Variants in SDK1 observed in about 807,000 individuals in gnomAD.
The protein encoded by SDK1 is protein sidekick-1.
A neutral mutation model predicts 245.5 loss-of-function variants in SDK1; 157 were observed. That is an observed-to-expected ratio of 0.64 (90% CI 0.56 to 0.73). The LOEUF is 0.73. SDK1 is among the 30% of genes least tolerant of loss of function. The probability of loss-of-function intolerance (pLI) is 0.00; values close to 1 mark genes in which losing one functional copy is unlikely to be tolerated. For missense variants in SDK1, 3,583 were observed against 3,002.3 expected (o/e 1.19, Z -4.52); for synonymous variants, 1,647 against 1,278.5 (o/e 1.29, Z -6.15).
intron 1 of SDK1, among the ~76,000 whole-genome samples, chr7:3,378,664 T>A (rs1308589702): frequency 6.6e-6 from 1 of 152,096 alleles, no homozygotes; most frequent in Non-Finnish European, 1.5e-5. Context: ...TTGGTGTTTC[T>A]TGTATTTCTG....
At chr7:3,539,619 C>T (rs546309554) in intron 1 of SDK1, among the ~76,000 whole-genome samples, 1 of 152,274 alleles carries the variant, frequency 6.6e-6, no homozygotes, top group East Asian at 1.9e-4. Flanking sequence ...CTTTCAAAAC[C>T]TTGCATCTGA....
chr7:4,067,026 A>G (rs1436207649), intron 19 of SDK1, among the ~76,000 whole-genome samples: 1 of 152,210 alleles, frequency 6.6e-6, no homozygotes, highest in Non-Finnish European at 1.5e-5. Flanking sequence ...GCTGATGATC[A>G]TGGAACATTT....
chr7:3,656,970 A>G (rs941260492), intron 4 of SDK1, among the ~76,000 whole-genome samples: 2 of 151,452 alleles, frequency 1.3e-5, no homozygotes, highest in Non-Finnish European at 2.9e-5. Context: ...GATGGTCTCA[A>G]TCTCCTGACC....
chr7:3,415,815 G>C lies in SDK1; in HGVS notation c.298+113931G>C, dbSNP rs148146603. Among the ~76,000 whole-genome samples, 701 of 151,778 alleles carry C rather than the reference G, an allele frequency of 4.6e-3. 11 individuals are homozygous for C. Among genetic ancestry groups the C allele is most frequent in the African/African-American group, 0.016 (663 of 41,366 alleles). ...TATGTTTTCTTCACCAATTTCCATTGCCTAGCACTTAAGTGTGAACACATA... is the reference window on the plus strand; with the variant it reads ...TATGTTTTCTTCACCAATTTCCATTCCCTAGCACTTAAGTGTGAACACATA... On this transcript the variant is annotated intron_variant, in intron 1 of 44. Coordinates refer to ENST00000404826, the MANE Select transcript of SDK1 (RefSeq NM_152744.4).
intron 32 of SDK1, 21 bp downstream of exon 32, chr7:4,161,877 G>A (rs747520421): frequency 1.9e-5 from 31 of 1,607,766 alleles, no homozygotes; most frequent in South Asian, 7.7e-5. Flanking sequence ...GGGGAATCAC[G>A]CGCGTTTTGT....
chr7:4,018,984 T>G (rs1269750926), intron 17 of SDK1, among the ~76,000 whole-genome samples: 3 of 152,166 alleles, frequency 2.0e-5, no homozygotes, highest in African/African-American at 7.2e-5. Context: ...ACGCCATTGT[T>G]TTCAAAACAG....
chr7:3,320,279 T>A (rs932991339), intron 1 of SDK1, among the ~76,000 whole-genome samples: 1 of 102,126 alleles, frequency 9.8e-6, no homozygotes, highest in African/African-American at 4.2e-5. Flanking sequence ...TTTTTTTTTC[T>A]ATTTTTTTCC....
intron 4 of SDK1, among the ~76,000 whole-genome samples, chr7:3,774,753 T>G (rs961309254): frequency 1.3e-5 from 2 of 152,208 alleles, no homozygotes; most frequent in African/African-American, 4.8e-5. Flanking sequence ...TTGGAGGTAT[T>G]TTTCTAGGTT....
chr7:3,962,608 C>T lies in SDK1; in HGVS notation c.1235-49C>T, dbSNP rs185604572. On this transcript the variant is annotated intron_variant, in intron 8 of 44. Coordinates refer to ENST00000404826, the MANE Select transcript of SDK1 (RefSeq NM_152744.4). ...TTTGAAACAGATGTGCTTCAGTTCT[C>T]ACGTCAGGAATTATTTTTAAAATCC... The T allele has an allele frequency of 3.0e-4, 434 of 1,446,674 alleles. 2 individuals carry two copies. The African/African-American group carries it at 5.6e-3, about 19-fold the overall frequency. 89.6% of individuals were successfully genotyped at this position (1,446,674 alleles called of 1,614,324 possible). A position where few individuals can be genotyped will look rare whatever the true frequency, so the allele number is the denominator to read the frequency against.
chr7:3,720,259 A>C (rs1414455047), intron 4 of SDK1, among the ~76,000 whole-genome samples: 1 of 152,176 alleles, frequency 6.6e-6, no homozygotes, highest in African/African-American at 2.4e-5. Context: ...CTGTGTCAAA[A>C]AACAACAACA....
chr7:4,163,927 G>A (rs891960727), intron 32 of SDK1, among the ~76,000 whole-genome samples: 8 of 152,356 alleles, frequency 5.3e-5, no homozygotes, highest in African/African-American at 1.7e-4. Context: ...TTATCTGAGG[G>A]ATGGAGAGTA....
intron 1 of SDK1, among the ~76,000 whole-genome samples, chr7:3,447,515 A>G (rs550489509): frequency 3.9e-5 from 6 of 152,126 alleles, no homozygotes; most frequent in Non-Finnish European, 5.9e-5. Context: ...CCCCCACCCC[A>G]TTCTTCTAGG....
intron 4 of SDK1, among the ~76,000 whole-genome samples, chr7:3,752,767 T>C (rs996262317): frequency 2.6e-5 from 4 of 152,212 alleles, no homozygotes; most frequent in African/African-American, 9.6e-5. Flanking sequence ...GCAAGAGCCT[T>C]ATTATTGGGA....
chr7:3,632,508 C>A (rs1459733573), intron 2 of SDK1, among the ~76,000 whole-genome samples: 2 of 152,170 alleles, frequency 1.3e-5, no homozygotes, highest in Admixed American at 1.3e-4. Context: ...AGCTTATATT[C>A]ATTCACCAGA....
At chr7:3,928,621 G>GT (rs1007736056) in intron 5 of SDK1, among the ~76,000 whole-genome samples, 28 of 147,620 alleles carry the variant, frequency 1.9e-4, no homozygotes, top group Admixed American at 7.4e-4. Flanking sequence ...CTCAATAAAA[G>GT]TTTTTTTTTG....
intron 4 of SDK1, among the ~76,000 whole-genome samples, chr7:3,752,813 C>A (rs1183650612): frequency 6.6e-6 from 1 of 152,154 alleles, no homozygotes; most frequent in African/African-American, 2.4e-5. Context: ...TGTTATTTCT[C>A]TCTATAGTTT....
At chr7:3,410,179 T>C (rs1360905824) in intron 1 of SDK1, among the ~76,000 whole-genome samples, 2 of 152,184 alleles carry the variant, frequency 1.3e-5, no homozygotes, top group Non-Finnish European at 2.9e-5. Context: ...AGGTTGAACA[T>C]CCCTAATCTG....
chr7:3,843,119 G>A lies in SDK1; in HGVS notation c.847+21536G>A, dbSNP rs147790583. Among the ~76,000 whole-genome samples, 16 of 152,238 alleles carry A rather than the reference G, an allele frequency of 1.1e-4. No homozygotes were observed. The East Asian group carries it at 2.1e-3, about 20-fold the overall frequency. On this transcript the variant is annotated intron_variant, in intron 5 of 44. Coordinates refer to ENST00000404826, the MANE Select transcript of SDK1 (RefSeq NM_152744.4). ...GCTCAGGGCAGCACAGCTCTTTCTC[G>A]GGGCCCTGATTTATGGAACCCTGGG...
intron 1 of SDK1, among the ~76,000 whole-genome samples, chr7:3,597,257 G>A (rs916970913): frequency 2.4e-5 from 3 of 127,542 alleles, no homozygotes; most frequent in Non-Finnish European, 3.2e-5. Flanking sequence ...GGTCGACAGA[G>A]TAAGACTTGG....
Sources: gnomAD v4.1 joint callset for allele counts (sites outside exome capture counted in the v4.1 genomes callset) on GRCh38, gnomAD v4.1.1 for gene constraint, MANE v1.5 for transcripts, NCBI Gene and HGNC (gene_info 2026-07-23, HGNC 2026-07-21) for gene names.